RTN3: variants seen among roughly 807,000 people sequenced by gnomAD.
RTN3 encodes reticulon-3.
In RTN3, 49 loss-of-function variants were observed where a neutral mutation model predicts 77.8. The observed-to-expected ratio is 0.63, with a 90% CI of 0.50 to 0.80. The LOEUF (loss-of-function observed/expected upper bound fraction) is 0.80. RTN3 is among the 30% of genes least tolerant of loss of function. RTN3 has a pLI of 0.00. For missense variants in RTN3, 1,236 were observed against 1,211.9 expected (o/e 1.02, Z -0.29); for synonymous variants, 464 against 446.9 (o/e 1.04, Z -0.48).
chr11:63,715,556 G>T (rs1284000856), intron 2 of RTN3, among the ~76,000 whole-genome samples: 1 of 152,112 alleles, frequency 6.6e-6, no homozygotes, highest in African/African-American at 2.4e-5. Context: ...TACTTCGGAG[G>T]CTGAGTCAGG....
chr11:63,726,482 T>C (rs919243410), intron 3 of RTN3, among the ~76,000 whole-genome samples: 1 of 152,112 alleles, frequency 6.6e-6, no homozygotes, highest in Non-Finnish European at 1.5e-5. Flanking sequence ...TAAAATTCTG[T>C]AGATAAAATA....
chr11:63,715,663 A>AC (rs1035508566), intron 2 of RTN3, among the ~76,000 whole-genome samples: 23 of 124,884 alleles, frequency 1.8e-4, no homozygotes, highest in African/African-American at 5.8e-4. Context: ...GTCTAAAAAA[A>AC]ACACACAAAA....
Position 63,752,660 on chromosome 11 carries a change from C to T in RTN3, c.2877+15C>T, listed in dbSNP as rs2135055838. 1 of 1,612,738 alleles carries T rather than the reference C, an allele frequency of 6.2e-7. No homozygotes were observed. The highest frequency in any genetic ancestry group is 1.1e-5 in the South Asian group (1 of 90,924). On this transcript the variant is annotated intron_variant, in intron 5 of 8. Transcript: ENST00000377819. ...ACTCCTTGAAGGTTAGTTGTTTCTGCAGCTCTTGGTGGTAAAACAGAAAAA... is the reference window on the plus strand; with the variant it reads ...ACTCCTTGAAGGTTAGTTGTTTCTGTAGCTCTTGGTGGTAAAACAGAAAAA...
upstream of RTN3, chr11:63,681,490 T>C (rs1339830269): frequency 1.2e-6 from 1 of 821,474 alleles, no homozygotes; most frequent in African/African-American, 1.8e-5. Flanking sequence ...TGCGCTCGGC[T>C]GAGTCAGTCA....
At position 63,683,943 on chromosome 11, in the gene RTN3, C is replaced by CTTTTTTTTTTTTTTTTTTTTTT. The variant is rs35837590; in HGVS notation, c.142+2173_142+2194dup. Among the ~76,000 whole-genome samples, 8 of 58,948 alleles carry CTTTTTTTTTTTTTTTTTTTTTT rather than the reference C, an allele frequency of 1.4e-4. 1 individual carries two copies. The highest frequency in any genetic ancestry group is 4.7e-4 in the East Asian group (1 of 2,150). 38.7% of individuals were successfully genotyped at this position (58,948 alleles called of 152,430 possible). A position where few individuals can be genotyped will look rare whatever the true frequency, so the allele number is the denominator to read the frequency against. On this transcript the variant is annotated intron_variant, in intron 1 of 8. Coordinates refer to ENST00000377819, the MANE Select transcript of RTN3 (RefSeq NM_001265589.2). ...TATTTCTTTCTCTTTTCTTTTCTTT[C>CTTTTTTTTTTTTTTTTTTTTTT]TTTTTTTTTTTTTTTTTTTTTTTTT... is the stretch of plus-strand genomic sequence containing the variant.
intron 2 of RTN3, chr11:63,714,318 A>G (rs2134784244): frequency 3.1e-6 from 1 of 319,856 alleles, no homozygotes; most frequent in East Asian, 8.1e-5. Flanking sequence ...TGCATCTCAC[A>G]ATCACTGAGA....
chr11:63,751,216 A>C (rs1305490604), intron 4 of RTN3, among the ~76,000 whole-genome samples: 1 of 152,242 alleles, frequency 6.6e-6, no homozygotes, highest in Admixed American at 6.5e-5. Context: ...CACCTAGAGC[A>C]GCGCTCGGTT....
At chr11:63,752,210 G>A (rs984307482) in intron 4 of RTN3, among the ~76,000 whole-genome samples, 1 of 151,216 alleles carries the variant, frequency 6.6e-6, no homozygotes, top group Non-Finnish European at 1.5e-5. Context: ...TGTGTTCTGG[G>A]CTCTTATTTA....
intron 3 of RTN3, among the ~76,000 whole-genome samples, chr11:63,736,911 G>A (rs2509743): frequency 1.3e-5 from 2 of 151,664 alleles, no homozygotes; most frequent in African/African-American, 2.4e-5. Context: ...TAGGGGCAGG[G>A]GAAAGTGTTA....
intron 3 of RTN3, among the ~76,000 whole-genome samples, chr11:63,736,989 T>TTC (rs1337700600): frequency 6.6e-6 from 1 of 150,590 alleles, no homozygotes; most frequent in Non-Finnish European, 1.5e-5. Context: ...TTTTTTTTTT[T>TTC]CCCTGTGATA....
At chr11:63,688,839 G>A (rs755637313) in intron 1 of RTN3, among the ~76,000 whole-genome samples, 10 of 152,182 alleles carry the variant, frequency 6.6e-5, no homozygotes, top group Non-Finnish European at 1.3e-4. Flanking sequence ...GTAAAATGAA[G>A]TTTGGTCATG....
At position 63,759,142 on chromosome 11, in the gene RTN3, C is replaced by G. The variant is rs2014537747; in HGVS notation, c.*941C>G. 1 of 152,182 alleles carries G rather than the reference C, an allele frequency of 6.6e-6. No homozygotes were observed. The highest frequency in any genetic ancestry group is 1.5e-5 in the Non-Finnish European group (1 of 68,044). 9.4% of individuals were successfully genotyped at this position (152,182 alleles called of 1,614,324 possible). A position where few individuals can be genotyped will look rare whatever the true frequency, so the allele number is the denominator to read the frequency against. On this transcript the variant is annotated 3_prime_UTR_variant, in exon 9 of 9. Transcript: ENST00000377819. ...TCCTCAGTTATTGAGTTTTTGTGAT[C>G]CTATCTCAGTCTGGGGGGGAACATT...
At chr11:63,700,419 G>C (rs1942178029) in intron 1 of RTN3, among the ~76,000 whole-genome samples, 1 of 150,856 alleles carries the variant, frequency 6.6e-6, no homozygotes, top group African/African-American at 2.4e-5. Context: ...GGGACTATAG[G>C]CTCATGCCAC....
At chr11:63,707,727 G>A (rs770712965) in intron 2 of RTN3, among the ~76,000 whole-genome samples, 11 of 151,954 alleles carry the variant, frequency 7.2e-5, no homozygotes, top group Non-Finnish European at 1.2e-4. Context: ...CCAGCTACTC[G>A]GGAGGCTGAG....
Position 63,719,601 on chromosome 11 carries a change from A to G in RTN3, c.1099A>G (p.Met367Val), listed in dbSNP as rs769956878. Residue 367 changes from methionine (M) to valine (V), a missense_variant, in exon 3 of 9, where the codon ATG becomes GTG. This residue lies in a region of RTN3 where 1,056 missense variants were observed against 990.4 expected (regional missense o/e 1.07). Coordinates refer to ENST00000377819, the MANE Select transcript of RTN3 (RefSeq NM_001265589.2). The stretch of plus-strand genomic sequence containing the variant: ...CATCACAAAAACTACAGGACTTGAC[A>G]TGAGTGAATATAATTCAGAAATTCC... ...DCITKTTGLD[M>V]SEYNSEIPVV... The G allele has an allele frequency of 1.9e-6, 3 of 1,613,986 alleles. No homozygotes were observed. Among genetic ancestry groups the G allele is most frequent in the Non-Finnish European group, 2.5e-6 (3 of 1,180,006 alleles).
intron 2 of RTN3, among the ~76,000 whole-genome samples, chr11:63,716,968 C>CAAAAAAAA (rs752428943): frequency 3.7e-5 from 1 of 27,206 alleles, no homozygotes; most frequent in Non-Finnish European, 9.7e-5. Context: ...GACTCCGTCT[C>CAAAAAAAA]AAAAAAAAAA....
chr11:63,722,774 G>A (rs1243260151), intron 3 of RTN3, among the ~76,000 whole-genome samples: 1 of 152,126 alleles, frequency 6.6e-6, no homozygotes, highest in African/African-American at 2.4e-5. Context: ...CCTTTCGGGG[G>A]CCTCAGTTTT....
intron 3 of RTN3, among the ~76,000 whole-genome samples, chr11:63,734,526 C>T (rs2012931472): frequency 6.6e-6 from 1 of 151,880 alleles, no homozygotes; most frequent in Admixed American, 6.6e-5. Flanking sequence ...CACTTGAGGT[C>T]AGGAGTTTGA....
intron 3 of RTN3, among the ~76,000 whole-genome samples, 165 bp downstream of exon 3, chr11:63,721,197 A>G (rs1397506439): frequency 1.3e-5 from 2 of 152,174 alleles, no homozygotes; most frequent in Non-Finnish European, 2.9e-5. Flanking sequence ...TCTTTTTTTA[A>G]ATGATTGCTT....
Sources: allele counts gnomAD v4.1 joint callset (sites outside exome capture counted in the v4.1 genomes callset), GRCh38; gene constraint gnomAD v4.1.1; regional missense constraint gnomAD v4.1.1; transcripts MANE v1.5; gene names NCBI Gene and HGNC (gene_info 2026-07-23, HGNC 2026-07-21).